RGS8: variants seen among roughly 807,000 people sequenced by gnomAD.
RGS8 encodes the protein regulator of G protein signaling 8.
Under a neutral mutation model 21.7 loss-of-function variants are expected in RGS8, and 8 were observed. That is an observed-to-expected ratio of 0.37 (90% CI 0.22 to 0.66). The LOEUF (loss-of-function observed/expected upper bound fraction) is 0.66, where lower values mean the gene tolerates loss of function less well. RGS8 is among the 30% of genes least tolerant of loss of function. RGS8 has a pLI of 0.59. For missense variants in RGS8, 157 were observed against 217.9 expected (o/e 0.72, Z 1.76); for synonymous variants, 80 against 83.6 (o/e 0.96, Z 0.24).
chr1:182,673,914 G>T (rs1250300239), upstream of RGS8, among the ~76,000 whole-genome samples: 1 of 152,214 alleles, frequency 6.6e-6, no homozygotes, highest in Non-Finnish European at 1.5e-5. Flanking sequence ...GTTAGTATGT[G>T]CCAGACACTA....
chr1:182,669,709 T>G, exon 3 of RGS8: 1 of 1,613,280 alleles, frequency 6.2e-7, no homozygotes, highest in South Asian at 1.1e-5. Flanking sequence ...GGGCAGGAAA[T>G]AAGACTGCGG....
At chr1:182,720,463 G>T in the RGS8 span, among the ~76,000 whole-genome samples, 5 of 152,198 alleles carry the variant, frequency 3.3e-5, no homozygotes, top group African/African-American at 1.2e-4. Context: ...TCTATGGAAG[G>T]GATAATATCT....
chr1:182,668,514 T>C (rs1036610419), intron 3 of RGS8, among the ~76,000 whole-genome samples: 14 of 152,186 alleles, frequency 9.2e-5, no homozygotes, highest in African/African-American at 3.4e-4. Context: ...AGAAATCTTA[T>C]CCAAGAAATT....
rs770810963 is a variant in RGS8 at position 182,669,615 on chromosome 1, A to G, written c.26+9T>C. ...TCAGGGGCAAGAAAACAGGCCATTG[A>G]TTCATTACCTGCGTGGCATCAGTAA... On this transcript the variant is annotated intron_variant, in intron 3 of 6. Coordinates refer to ENST00000483095, the Ensembl canonical transcript of RGS8. The G allele has an allele frequency of 3.1e-6, 5 of 1,614,088 alleles. No homozygotes were observed. The highest frequency in any genetic ancestry group is 4.2e-6 in the Non-Finnish European group (5 of 1,180,042).
chr1:182,687,724 C>T (rs1047638082), upstream of RGS8, among the ~76,000 whole-genome samples: 3 of 152,178 alleles, frequency 2.0e-5, no homozygotes, highest in African/African-American at 7.2e-5. Context: ...AAGTATCTAG[C>T]ATATATAGGG....
At chr1:182,738,441 A>C in the RGS8 span, among the ~76,000 whole-genome samples, 1 of 152,256 alleles carries the variant, frequency 6.6e-6, no homozygotes, top group Non-Finnish European at 1.5e-5. Context: ...TCAAGAAAAT[A>C]TATATTTTAA....
At chr1:182,715,941 T>C in the RGS8 span, among the ~76,000 whole-genome samples, 9 of 152,192 alleles carry the variant, frequency 5.9e-5, no homozygotes, top group East Asian at 9.6e-4. Context: ...GGTTCTTTCA[T>C]ATCCAAGGGG....
upstream of RGS8, among the ~76,000 whole-genome samples, chr1:182,689,543 C>A (rs1181127000): frequency 6.6e-6 from 1 of 152,094 alleles, no homozygotes; most frequent in Non-Finnish European, 1.5e-5. Context: ...GAGAAGAGAG[C>A]CTCTGGTGAT....
the RGS8 span, among the ~76,000 whole-genome samples, chr1:182,698,368 G>A: frequency 1.3e-5 from 2 of 152,160 alleles, no homozygotes; most frequent in Admixed American, 1.3e-4. Context: ...ATTTTAAAGT[G>A]CTGTGACTTT....
At chr1:182,648,588 T>G (rs1662820723) in intron 5 of RGS8, among the ~76,000 whole-genome samples, 1 of 150,686 alleles carries the variant, frequency 6.6e-6, no homozygotes. Flanking sequence ...ACAAAAAAAA[T>G]TAGCTGGGCA....
chr1:182,689,063 C>T (rs1664764987), upstream of RGS8, among the ~76,000 whole-genome samples: 1 of 152,112 alleles, frequency 6.6e-6, no homozygotes, highest in Non-Finnish European at 1.5e-5. Flanking sequence ...CATAGAGGGG[C>T]TGTTCTTGGT....
chr1:182,689,827 G>A, the RGS8 span, among the ~76,000 whole-genome samples: 1 of 152,182 alleles, frequency 6.6e-6, no homozygotes, highest in Non-Finnish European at 1.5e-5. Context: ...GCCAGCATGT[G>A]AGCACATGCA....
At chr1:182,701,034 G>A in the RGS8 span, among the ~76,000 whole-genome samples, 3 of 152,154 alleles carry the variant, frequency 2.0e-5, no homozygotes, top group South Asian at 4.1e-4. Context: ...TACCCAACAT[G>A]TTTGTCATGT....
At chr1:182,650,257 C>A (rs1662942966) in intron 5 of RGS8, among the ~76,000 whole-genome samples, 1 of 152,204 alleles carries the variant, frequency 6.6e-6, no homozygotes, top group Non-Finnish European at 1.5e-5. Flanking sequence ...ATCTGACGTC[C>A]ACCACTATCC....
the RGS8 span, among the ~76,000 whole-genome samples, chr1:182,727,441 T>C: frequency 2.0e-5 from 3 of 152,336 alleles, no homozygotes; most frequent in South Asian, 6.2e-4. Flanking sequence ...TTTTTATGAT[T>C]TGGAGTTTTT....
At chr1:182,660,788 C>T (rs768399728) in intron 5 of RGS8, among the ~76,000 whole-genome samples, 1 of 151,754 alleles carries the variant, frequency 6.6e-6, no homozygotes, top group Non-Finnish European at 1.5e-5. Context: ...ATAAACCTTC[C>T]TGGAGGGTTT....
chr1:182,715,179 C>T, the RGS8 span, among the ~76,000 whole-genome samples: 1 of 152,174 alleles, frequency 6.6e-6, no homozygotes, highest in Admixed American at 6.5e-5. Flanking sequence ...AAGAGGAAGT[C>T]TGGAGTTTGG....
the RGS8 span, among the ~76,000 whole-genome samples, chr1:182,706,453 T>C: frequency 6.6e-6 from 1 of 152,134 alleles, no homozygotes; most frequent in Non-Finnish European, 1.5e-5. Context: ...TCCTCATCCA[T>C]GGGCTAACTC....
At chr1:182,699,877 G>T in the RGS8 span, among the ~76,000 whole-genome samples, 6 of 152,120 alleles carry the variant, frequency 3.9e-5, no homozygotes, top group East Asian at 9.7e-4. Context: ...GTGCCAGCTC[G>T]GTTCAGCTGC....
Sources: gnomAD v4.1 joint callset for allele counts (sites outside exome capture counted in the v4.1 genomes callset) on GRCh38, gnomAD v4.1.1 for gene constraint, MANE v1.5 for transcripts, NCBI Gene and HGNC (gene_info 2026-07-23, HGNC 2026-07-21) for gene names.